The following NDUFAF6 variants were observed in gnomAD, a reference collection of about 807,000 sequenced individuals.
NDUFAF6 encodes the protein NADH:ubiquinone oxidoreductase complex assembly factor 6, also known as NADH dehydrogenase (ubiquinone) complex I, assembly factor 6.
NDUFAF6 carries 45 observed loss-of-function variants against 40.8 expected under a neutral mutation model. The observed-to-expected ratio is 1.10, with a 90% confidence interval of 0.87 to 1.42. The LOEUF is 1.42. NDUFAF6 is among the 40% of genes most tolerant of loss of function. The probability of loss-of-function intolerance (pLI) is 0.00; values close to 1 mark genes in which losing one functional copy is unlikely to be tolerated. For missense variants in NDUFAF6, 435 were observed against 418.5 expected, an observed-to-expected ratio of 1.04 and a Z score of -0.34; for synonymous variants, 185 against 155.9, an observed-to-expected ratio of 1.19 and a Z score of -1.39.
downstream of NDUFAF6, among the ~76,000 whole-genome samples, chr8:95,079,220 C>T (rs999731917): frequency 6.6e-6 from 1 of 152,086 alleles, no homozygotes. Context: ...GATCCGCCCA[C>T]CTCAGCCTCC....
intron 2 of NDUFAF6, among the ~76,000 whole-genome samples, chr8:94,946,225 C>A (rs1821976623): frequency 6.6e-6 from 1 of 152,006 alleles, no homozygotes; most frequent in Admixed American, 6.6e-5. Flanking sequence ...CATATTATTA[C>A]ATGAGTAGAG....
At chr8:95,071,411 A>T (rs1587232507) in intron 9 of NDUFAF6, among the ~76,000 whole-genome samples, 1 of 151,164 alleles carries the variant, frequency 6.6e-6, no homozygotes, top group Non-Finnish European at 1.5e-5. Flanking sequence ...AAGAAAAAAA[A>T]AAAAAAAAAA....
At chr8:94,945,260 G>A (rs969935351) in intron 1 of NDUFAF6, among the ~76,000 whole-genome samples, 1 of 152,148 alleles carries the variant, frequency 6.6e-6, no homozygotes, top group South Asian at 2.1e-4. Context: ...TCTGAATTGA[G>A]ATGTGCTGTA....
At position 94,911,918 on chromosome 8, in the gene NDUFAF6, G is replaced by A. The variant is rs114423354; in HGVS notation, c.-936+15991G>A. 6.9e-3 allele frequency among the ~76,000 whole-genome samples: 1,054 copies of A among 152,282 alleles called. 16 individuals are homozygous for A. Among genetic ancestry groups the A allele is most frequent in the African/African-American group, 0.024 (991 of 41,570 alleles). On this transcript the variant is annotated intron_variant, in intron 1 of 14. Transcript: ENST00000396113. ...CTCAAACACAATAGCTCAAGAAGCC[G>A]GATGGTCTGGGCCCACACTTGGTTT... is the stretch of plus-strand genomic sequence containing the variant.
chr8:95,008,515 G>GT (rs113755599), intron 2 of NDUFAF6, among the ~76,000 whole-genome samples: 1,804 of 152,134 alleles, frequency 0.012, 45 homozygotes, highest in African/African-American at 0.04. Flanking sequence ...CATTTAAACT[G>GT]TTTTTTTGAG....
chr8:94,934,819 T>A (rs1424873880), intron 1 of NDUFAF6, among the ~76,000 whole-genome samples: 1 of 152,210 alleles, frequency 6.6e-6, no homozygotes, highest in Admixed American at 6.5e-5. Flanking sequence ...AAATTTTTGT[T>A]GGAATGCCTG....
At chr8:94,961,801 G>T (rs1326840334) in intron 1 of NDUFAF6, among the ~76,000 whole-genome samples, 1 of 152,180 alleles carries the variant, frequency 6.6e-6, no homozygotes, top group African/African-American at 2.4e-5. Flanking sequence ...CTTGTACCAA[G>T]AAATTGATTT....
At chr8:95,105,411 G>C (rs1809810333), downstream of NDUFAF6, among the ~76,000 whole-genome samples, 1 of 151,688 alleles carries the variant, frequency 6.6e-6, no homozygotes, top group Admixed American at 6.6e-5. Flanking sequence ...CCAGGCTGGA[G>C]TGCAGTGGTG....
intron 1 of NDUFAF6, among the ~76,000 whole-genome samples, chr8:95,031,687 C>T (rs1010365283): frequency 5.9e-5 from 9 of 152,148 alleles, no homozygotes; most frequent in African/African-American, 2.2e-4. Context: ...GTGACCTCCA[C>T]CTCCTGGGCT....
At chr8:95,106,985 CAGAT>C (rs1217659797), downstream of NDUFAF6, among the ~76,000 whole-genome samples, 8 of 152,176 alleles carry the variant, frequency 5.3e-5, no homozygotes, top group Non-Finnish European at 1.0e-4. Context: ...CAGGAAACAA[CAGAT>C]ACTGGAGAGG....
chr8:95,101,995 ATTT>A (rs5893317), intron 2 of NDUFAF6, among the ~76,000 whole-genome samples: 3 of 150,432 alleles, frequency 2.0e-5, no homozygotes, highest in Non-Finnish European at 3.0e-5. Context: ...CTAAAAAAGT[ATTT>A]TTTTTTTTTT....
chr8:95,105,652 C>T (rs974016549), downstream of NDUFAF6, among the ~76,000 whole-genome samples: 4 of 152,096 alleles, frequency 2.6e-5, no homozygotes, highest in African/African-American at 9.7e-5. Context: ...CAGACATGCG[C>T]CACCATGTTC....
intron 4 of NDUFAF6, among the ~76,000 whole-genome samples, chr8:95,043,021 C>T (rs951737063): frequency 2.0e-5 from 3 of 151,680 alleles, no homozygotes; most frequent in Admixed American, 2.0e-4. Flanking sequence ...AGAGCTAAAA[C>T]TGTGAAACTC....
At chr8:94,950,095 C>T (rs1005971628) in intron 2 of NDUFAF6, 1 of 152,450 alleles carries the variant, frequency 6.6e-6, no homozygotes, top group Non-Finnish European at 1.5e-5. Context: ...TCAGCAGGCT[C>T]GGGGGCCTCT....
intron 2 of NDUFAF6, among the ~76,000 whole-genome samples, chr8:94,988,035 T>G (rs942477476): frequency 2.0e-5 from 3 of 152,234 alleles, no homozygotes; most frequent in African/African-American, 7.2e-5. Flanking sequence ...CTGTGGGTTC[T>G]GGAGCCTATG....
At chr8:94,993,152 G>T (rs1167330373) in intron 2 of NDUFAF6, among the ~76,000 whole-genome samples, 1 of 152,082 alleles carries the variant, frequency 6.6e-6, no homozygotes. Context: ...TCTTCACATT[G>T]TCTTCCCTCT....
intron 1 of NDUFAF6, among the ~76,000 whole-genome samples, chr8:94,960,878 T>C (rs1267834451): frequency 2.6e-5 from 4 of 152,226 alleles, no homozygotes; most frequent in African/African-American, 9.6e-5. Flanking sequence ...TAGCTTTGCT[T>C]TTCCCAGGCA....
intron 1 of NDUFAF6, among the ~76,000 whole-genome samples, chr8:95,029,606 C>T (rs79122312): frequency 0.012 from 1,847 of 152,310 alleles, 45 homozygotes; most frequent in African/African-American, 0.041. Flanking sequence ...AAATCATGTG[C>T]TACATGTAGT....
intron 7 of NDUFAF6, among the ~76,000 whole-genome samples, chr8:95,049,450 T>C (rs1831189007): frequency 6.6e-6 from 1 of 152,236 alleles, no homozygotes; most frequent in Admixed American, 6.5e-5. Flanking sequence ...CATGGTGTTA[T>C]TCCTTTCTGG....
Sources: gnomAD v4.1 joint callset for allele counts (sites outside exome capture counted in the v4.1 genomes callset) on GRCh38, gnomAD v4.1.1 for gene constraint, MANE v1.5 for transcripts, NCBI Gene and HGNC (gene_info 2026-07-23, HGNC 2026-07-21) for gene names.